The following EXOC4 variants were observed in gnomAD, a reference collection of about 807,000 sequenced individuals.
The protein encoded by EXOC4 is SEC8-like 1.
In EXOC4, 71 loss-of-function variants were observed where a neutral mutation model predicts 107.2. That is an observed-to-expected ratio of 0.66 (90% CI 0.55 to 0.81). The LOEUF is 0.81. EXOC4 is among the 30% of genes least tolerant of loss of function. The pLI is 0.00. For missense variants in EXOC4, 1,108 were observed against 1,189.6 expected (o/e 0.93, Z 1.01); for synonymous variants, 456 against 441.2 (o/e 1.03, Z -0.42).
At chr7:133,735,317 A>G (rs1795422141) in intron 10 of EXOC4, among the ~76,000 whole-genome samples, 1 of 149,992 alleles carries the variant, frequency 6.7e-6, no homozygotes, top group Non-Finnish European at 1.5e-5. Context: ...CATCAGTTTA[A>G]GCAGTGCTTT....
intron 9 of EXOC4, among the ~76,000 whole-genome samples, chr7:133,502,851 A>T (rs569742643): frequency 6.6e-6 from 1 of 152,290 alleles, no homozygotes; most frequent in African/African-American, 2.4e-5. Flanking sequence ...CAGAGCAGCA[A>T]ATCTTTTAAT....
At chr7:134,076,905 A>G in the EXOC4 span, among the ~76,000 whole-genome samples, 1 of 152,234 alleles carries the variant, frequency 6.6e-6, no homozygotes, top group African/African-American at 2.4e-5. Flanking sequence ...TTCATTCAGT[A>G]ACACTCCATA....
intron 2 of EXOC4, among the ~76,000 whole-genome samples, chr7:133,287,982 A>G (rs1332010238): frequency 6.6e-6 from 1 of 152,190 alleles, no homozygotes; most frequent in East Asian, 1.9e-4. Flanking sequence ...GCATTTGCCA[A>G]AACTTACCAC....
chr7:133,487,543 T>A (rs1799291198), intron 9 of EXOC4, among the ~76,000 whole-genome samples: 3 of 152,150 alleles, frequency 2.0e-5, no homozygotes, highest in Admixed American at 2.0e-4. Context: ...ACTCTGTCTC[T>A]ACTAAAAATA....
At chr7:134,073,230 A>AAAAAAAAAAAAAAAC in the EXOC4 span, among the ~76,000 whole-genome samples, 29 of 18,424 alleles carry the variant, frequency 1.6e-3, no homozygotes, top group African/African-American at 7.3e-3. Context: ...AAAAAAAAAA[A>AAAAAAAAAAAAAAAC]AACAACAAAG....
At chr7:133,262,275 A>C (rs1405507364) in intron 1 of EXOC4, among the ~76,000 whole-genome samples, 1 of 152,000 alleles carries the variant, frequency 6.6e-6, no homozygotes, top group Non-Finnish European at 1.5e-5. Context: ...CTGAGGTGGG[A>C]GGATTGCTTG....
intron 10 of EXOC4, among the ~76,000 whole-genome samples, chr7:133,734,209 G>T (rs1029786186): frequency 6.6e-6 from 1 of 152,178 alleles, no homozygotes; most frequent in African/African-American, 2.4e-5. Flanking sequence ...TCCGTTAGCA[G>T]CCCAGAGTGA....
At chr7:133,914,687 T>C (rs563521116) in intron 12 of EXOC4, among the ~76,000 whole-genome samples, 15 of 152,078 alleles carry the variant, frequency 9.9e-5, no homozygotes, top group Admixed American at 2.0e-4. Context: ...GTGTAACTCA[T>C]AGGACCCAGA....
intron 9 of EXOC4, among the ~76,000 whole-genome samples, chr7:133,482,133 G>A (rs1799171863): frequency 6.6e-6 from 1 of 152,048 alleles, no homozygotes; most frequent in Non-Finnish European, 1.5e-5. Flanking sequence ...TGGTGACAAA[G>A]CATCTCCTTT....
chr7:133,914,655 A>G (rs1331025440), intron 12 of EXOC4, among the ~76,000 whole-genome samples: 2 of 149,878 alleles, frequency 1.3e-5, no homozygotes, highest in African/African-American at 2.5e-5. Flanking sequence ...GGAAAAAAAA[A>G]TTACAAACCT....
At chr7:133,888,469 T>A (rs10246406) in intron 11 of EXOC4, among the ~76,000 whole-genome samples, 94,152 of 152,104 alleles carry the variant, frequency 0.62, 31,713 homozygotes, top group African/African-American at 0.9. Context: ...CCCCAGTGTA[T>A]TTCTGCTTCT....
intron 11 of EXOC4, among the ~76,000 whole-genome samples, chr7:133,824,284 G>T (rs147306761): frequency 6.6e-6 from 1 of 151,776 alleles, no homozygotes; most frequent in African/African-American, 2.4e-5. Context: ...GGCCCTTAAC[G>T]CCTGCCTTCC....
At chr7:133,613,956 T>C (rs1046039339) in intron 9 of EXOC4, among the ~76,000 whole-genome samples, 4 of 152,056 alleles carry the variant, frequency 2.6e-5, no homozygotes, top group Admixed American at 2.0e-4. Flanking sequence ...TAATGCAAAT[T>C]AAAAGGATGC....
rs573649701 is a variant in EXOC4, at chr7:133,688,855, C to T, written c.1514+58714C>T. Among the ~76,000 whole-genome samples the T allele has an allele frequency of 7.9e-4, 121 of 152,226 alleles. 2 individuals carry two copies. The highest frequency in any genetic ancestry group is 2.9e-3 in the African/African-American group (120 of 41,524). On this transcript the variant is annotated intron_variant, in intron 10 of 17. Coordinates refer to ENST00000253861, the MANE Select transcript of EXOC4 (RefSeq NM_021807.4). ...CTTTTGGAATTAACCAATGGTATCT[C>T]ATCTACTAGTCAGGCATTCACAACA...
At chr7:134,092,198 C>T in the EXOC4 span, among the ~76,000 whole-genome samples, 1 of 151,956 alleles carries the variant, frequency 6.6e-6, no homozygotes, top group African/African-American at 2.4e-5. Context: ...GGTGATGCCT[C>T]CAGAACCTTC....
chr7:133,279,254 A>G (rs1230008003), intron 2 of EXOC4, among the ~76,000 whole-genome samples: 2 of 152,136 alleles, frequency 1.3e-5, no homozygotes, highest in East Asian at 1.9e-4. Context: ...AGTCTTTGCT[A>G]TTGTGAATAG....
At chr7:133,453,315 G>T (rs1224498067) in intron 7 of EXOC4, among the ~76,000 whole-genome samples, 1 of 152,150 alleles carries the variant, frequency 6.6e-6, no homozygotes, top group African/African-American at 2.4e-5. Context: ...AATTCTGGGA[G>T]ATCATTGGTA....
At chr7:133,416,344 T>A (rs1364645990) in intron 7 of EXOC4, among the ~76,000 whole-genome samples, 1 of 152,202 alleles carries the variant, frequency 6.6e-6, no homozygotes, top group Non-Finnish European at 1.5e-5. Context: ...GCAACATAGT[T>A]CTGATTTAGA....
chr7:133,267,015 T>C (rs376240950), intron 1 of EXOC4, among the ~76,000 whole-genome samples: 2 of 152,210 alleles, frequency 1.3e-5, no homozygotes, highest in East Asian at 3.8e-4. Flanking sequence ...ATGATCTGCA[T>C]AGTTGTCTTT....
Sources: gnomAD v4.1 joint callset for allele counts (sites outside exome capture counted in the v4.1 genomes callset) on GRCh38, gnomAD v4.1.1 for gene constraint, MANE v1.5 for transcripts, NCBI Gene and HGNC (gene_info 2026-07-23, HGNC 2026-07-21) for gene names.